DHRS3: variants seen among roughly 807,000 people sequenced by gnomAD.
The protein encoded by DHRS3 is short-chain dehydrogenase/reductase 3.
DHRS3 carries 14 observed loss-of-function variants against 27.2 expected under a neutral mutation model. The ratio of observed to expected loss-of-function variants is 0.52; its 90% CI spans 0.34 to 0.81. The LOEUF (loss-of-function observed/expected upper bound fraction) is 0.81. DHRS3 is among the 30% of genes least tolerant of loss of function. The pLI is 0.01. For synonymous variants in DHRS3, 165 were observed against 175.9 expected, an observed-to-expected ratio of 0.94 and a Z score of 0.49; for missense variants, 322 against 406.2, an observed-to-expected ratio of 0.79 and a Z score of 1.78.
chr1:12,572,632 G>A, intron 5 of DHRS3, 96 bp downstream of exon 5: 3 of 1,524,870 alleles, frequency 2.0e-6, no homozygotes, highest in Admixed American at 4.0e-5. Flanking sequence ...CAGCAAATGT[G>A]CCAGCACTCC....
intron 1 of DHRS3, among the ~76,000 whole-genome samples, chr1:12,606,454 C>T (rs1401229920): frequency 1.3e-5 from 2 of 151,842 alleles, no homozygotes; most frequent in African/African-American, 4.8e-5. Context: ...CAGATGAGAG[C>T]AAAGCTTTCA....
intron 1 of DHRS3, among the ~76,000 whole-genome samples, chr1:12,582,845 C>T (rs1218518209): frequency 2.7e-5 from 4 of 150,002 alleles, no homozygotes; most frequent in Non-Finnish European, 4.5e-5. Flanking sequence ...CCAACTCCAT[C>T]CATCCATCCA....
chr1:12,577,099 C>T (rs563740249), intron 4 of DHRS3, among the ~76,000 whole-genome samples: 2 of 152,006 alleles, frequency 1.3e-5, no homozygotes, highest in South Asian at 2.1e-4. Context: ...ATGACCCTTC[C>T]GTGTCATCCT....
At chr1:12,598,254 G>T (rs1646811908) in intron 1 of DHRS3, among the ~76,000 whole-genome samples, 1 of 152,138 alleles carries the variant, frequency 6.6e-6, no homozygotes, top group African/African-American at 2.4e-5. Context: ...CAGGCATGGT[G>T]GTGCGCGCCT....
At chr1:12,597,301 T>C (rs369727594) in intron 1 of DHRS3, among the ~76,000 whole-genome samples, 2 of 152,162 alleles carry the variant, frequency 1.3e-5, no homozygotes, top group African/African-American at 2.4e-5. Context: ...GGTCTCGAAC[T>C]CCTGACCTCA....
chr1:12,611,713 C>A (rs1023460734), intron 1 of DHRS3, among the ~76,000 whole-genome samples: 2 of 152,016 alleles, frequency 1.3e-5, no homozygotes, highest in Admixed American at 1.3e-4. Context: ...GTGCCGGGAT[C>A]TTAGGGATCA....
In DHRS3 at chr1:12,608,094, C is replaced by T. The variant is rs1245529670; in HGVS notation, c.195+9060G>A. Among the ~76,000 whole-genome samples, 1 of 152,146 alleles carries T rather than the reference C, an allele frequency of 6.6e-6. No individual in the cohort carries two copies. Among genetic ancestry groups the T allele is most frequent in the East Asian group, 1.9e-4 (1 of 5,192 alleles). On this transcript the variant is annotated intron_variant, in intron 1 of 5. Coordinates refer to ENST00000616661, the MANE Select transcript of DHRS3 (RefSeq NM_004753.7). This position sits in a 1 kb window ranked among gnomAD's most constrained non-coding sequence, Gnocchi z 4.1. ...GTCTCATCCCGTTGGACAGGCTGGT[C>T]TCGAACTCCTGACGTCAAGTGATCT...
intron 3 of DHRS3, 137 bp downstream of exon 3, chr1:12,579,156 T>G: frequency 6.8e-7 from 1 of 1,460,542 alleles, no homozygotes; most frequent in South Asian, 1.2e-5. Flanking sequence ...GAGCTGGTCA[T>G]TCGTCTTGTC....
chr1:12,617,517 AAAG>A lies in DHRS3; in HGVS notation c.-172_-170del. On this transcript the variant is annotated 5_prime_UTR_variant, in exon 1 of 6. Transcript: ENST00000616661. ...CCAAATGCAAAGCACCGGGTGAGAA[AAAG>A]AAAAAAAAAAAAAAAAAAAAGATAA... is the stretch of plus-strand genomic sequence containing the variant. The A allele has an allele frequency of 1.2e-5, 4 of 337,254 alleles. No homozygotes were observed. Among genetic ancestry groups the A allele is most frequent in the Non-Finnish European group, 2.0e-5 (4 of 198,250 alleles). 20.9% of individuals were successfully genotyped at this position (337,254 alleles called of 1,614,324 possible). A position where few individuals can be genotyped will look rare whatever the true frequency, so the allele number is the denominator to read the frequency against.
intron 5 of DHRS3, among the ~76,000 whole-genome samples, chr1:12,571,351 A>T (rs1239704046): frequency 6.6e-6 from 1 of 152,076 alleles, no homozygotes; most frequent in Non-Finnish European, 1.5e-5. Flanking sequence ...CCCGACTGGT[A>T]CTAAGACGCT....
At position 12,579,259 on chromosome 1, in the gene DHRS3, C is replaced by T. The variant is rs752591301; in HGVS notation, c.459+34G>A. The T allele has an allele frequency of 1.9e-6, 3 of 1,614,008 alleles. No individual in the cohort carries two copies. The East Asian group carries it at 6.7e-5, about 36-fold the overall frequency. ...CCATCCTGCCTGGGCTCCCTGCACG[C>T]CCGGGGCTGGCTCTGGCCCCGGATA... is the stretch of plus-strand genomic sequence containing the variant. On this transcript the variant is annotated intron_variant, in intron 3 of 5. Coordinates refer to ENST00000616661, the MANE Select transcript of DHRS3 (RefSeq NM_004753.7).
chr1:12,572,878 G>C, intron 4 of DHRS3, 25 bp from the exon 5 acceptor site: 1 of 1,565,978 alleles, frequency 6.4e-7, no homozygotes, highest in Non-Finnish European at 8.7e-7. Flanking sequence ...AGACACAGTG[G>C]GTTTCTCCTG....
rs183715380 is a variant in DHRS3, at chr1:12,585,281, G to A, written c.196-4615C>T. ...TGAGTGTGTGTCTCTCTGTGTCTGT[G>A]TGTGTCTCTCTATGTGAGTGTATGT... On this transcript the variant is annotated intron_variant, in intron 1 of 5. Coordinates refer to ENST00000616661, the MANE Select transcript of DHRS3 (RefSeq NM_004753.7). Among the ~76,000 whole-genome samples, 39 of 151,846 alleles carry A rather than the reference G, an allele frequency of 2.6e-4. 1 individual carries two copies. In the East Asian group the frequency reaches 7.6e-3, roughly 29 times the overall value.
intron 1 of DHRS3, 69 bp downstream of exon 1, chr1:12,617,085 C>T: frequency 6.7e-7 from 1 of 1,497,316 alleles, no homozygotes. Flanking sequence ...CGGGATCCCG[C>T]AGCGGCAGCA....
At position 12,617,544 on chromosome 1, in the gene DHRS3, A is replaced by C; in HGVS notation, c.-196T>G. The C allele has an allele frequency of 2.2e-6, 1 of 446,666 alleles. No individual in the cohort carries two copies. Among genetic ancestry groups the C allele is most frequent in the East Asian group, 3.9e-5 (1 of 25,778 alleles). 27.7% of individuals were successfully genotyped at this position (446,666 alleles called of 1,614,324 possible). On this transcript the variant is annotated 5_prime_UTR_variant, in exon 1 of 6. Transcript: ENST00000616661. ...AGAAAAAAAAAAAAAAAAAAAAGATAAATTCTCCTCTGGGGGAGAAAAAGC... is the reference window on the plus strand; with the variant it reads ...AGAAAAAAAAAAAAAAAAAAAAGATCAATTCTCCTCTGGGGGAGAAAAAGC...
At chr1:12,571,720 G>T (rs533934142) in intron 5 of DHRS3, among the ~76,000 whole-genome samples, 17 of 152,098 alleles carry the variant, frequency 1.1e-4, no homozygotes, top group African/African-American at 4.1e-4. Flanking sequence ...TTTTAGTACA[G>T]ACAGGGTTTC....
At chr1:12,610,592 A>G (rs1189472387) in intron 1 of DHRS3, among the ~76,000 whole-genome samples, 1 of 152,160 alleles carries the variant, frequency 6.6e-6, no homozygotes, top group East Asian at 1.9e-4. Context: ...TCATTTGCTA[A>G]CCCGGCACTT....
At position 12,568,261 on chromosome 1, in the gene DHRS3, T is replaced by A; in HGVS notation, c.*79A>T. ...TGCTCACCCAGCAGAAGCATGCCAA[T>A]GGACAGGTGCTCGGGTGTGTGCCCA... On this transcript the variant is annotated 3_prime_UTR_variant, in exon 6 of 6. Coordinates refer to ENST00000616661, the MANE Select transcript of DHRS3 (RefSeq NM_004753.7). 1.5e-6 allele frequency: 2 copies of A among 1,330,898 alleles called. No homozygotes were observed. Among genetic ancestry groups the A allele is most frequent in the Admixed American group, 1.7e-5 (1 of 59,126 alleles). The allele number at this position is 1,330,898 out of a possible 1,614,324, so 82.4% of individuals were successfully genotyped here.
At chr1:12,569,231 TCACACACACACACA>T in intron 5 of DHRS3, among the ~76,000 whole-genome samples, 1 of 110,480 alleles carries the variant, frequency 9.1e-6, no homozygotes, top group East Asian at 2.1e-4. Context: ...TCTCTCTCTC[TCACACACACACACA>T]CACACACACA....
Sources: allele counts gnomAD v4.1 joint callset (sites outside exome capture counted in the v4.1 genomes callset), GRCh38; gene constraint gnomAD v4.1.1; non-coding constraint Gnocchi (gnomAD v3.1); transcripts MANE v1.5; gene names NCBI Gene and HGNC (gene_info 2026-07-23, HGNC 2026-07-21).